The following CLASRP variants were observed in gnomAD, a reference collection of about 807,000 sequenced individuals.
CLASRP encodes CLK4 associating serine/arginine rich protein.
A neutral mutation model predicts 99.9 loss-of-function variants in CLASRP; 52 were observed. That is an observed-to-expected ratio of 0.52 (90% CI 0.42 to 0.66). CLASRP has a LOEUF of 0.66. Among genes scored for constraint, CLASRP ranks in the 30% least tolerant of loss-of-function variants. The pLI is 0.00. For missense variants in CLASRP, 848 were observed against 999.2 expected (o/e 0.85, Z 2.04); for synonymous variants, 379 against 373.0 (o/e 1.02, Z -0.18).
intron 19 of CLASRP, among the ~76,000 whole-genome samples, 175 bp downstream of exon 19, chr19:45,070,279 T>C (rs1186153440): frequency 6.6e-6 from 1 of 152,192 alleles, no homozygotes; most frequent in Admixed American, 6.5e-5. Flanking sequence ...GAGACCAGCC[T>C]GACCAACATG....
intron 2 of CLASRP, among the ~76,000 whole-genome samples, chr19:45,044,611 A>T (rs1449655366): frequency 3.0e-4 from 45 of 151,804 alleles, no homozygotes; most frequent in Non-Finnish European, 1.5e-5. Context: ...AAAAAATAAT[A>T]AAAAAAAATT....
chr19:45,067,640 G>C lies in CLASRP; in HGVS notation c.1667+46G>C, dbSNP rs778101027. On this transcript the variant is annotated intron_variant, in intron 14 of 20. Coordinates refer to ENST00000221455, the MANE Select transcript of CLASRP (RefSeq NM_007056.3). The surrounding 1 kb of genome is among the most constrained non-coding windows in gnomAD (Gnocchi z 4.9). ...GGAAGAGGGCTGCCAATCTCGGGTG[G>C]GGAGGGTGAACATCACTGTTTTCTT... The C allele has an allele frequency of 1.5e-5, 23 of 1,516,744 alleles. No homozygotes were observed. Among genetic ancestry groups the C allele is most frequent in the Non-Finnish European group, 2.0e-5 (22 of 1,120,980 alleles). 94.0% of individuals were successfully genotyped at this position (1,516,744 alleles called of 1,614,324 possible). A position where few individuals can be genotyped will look rare whatever the true frequency, so the allele number is the denominator to read the frequency against.
At chr19:45,054,753 C>G (rs191524846) in intron 5 of CLASRP, among the ~76,000 whole-genome samples, 297 of 152,270 alleles carry the variant, frequency 2.0e-3, no homozygotes, top group African/African-American at 6.7e-3. Flanking sequence ...CCCTTACCAC[C>G]TGGCAGGTCT....
chr19:45,068,748 C>G (rs752402379), intron 16 of CLASRP, among the ~76,000 whole-genome samples: 1 of 151,336 alleles, frequency 6.6e-6, no homozygotes, highest in Non-Finnish European at 1.5e-5. Context: ...CCTGTAATCC[C>G]AGCACTTTGG....
chr19:45,069,054 TTCTC>T lies in CLASRP; in HGVS notation c.1769-8_1769-5del. 1.2e-6 allele frequency: 2 copies of T among 1,613,260 alleles called. No homozygotes were observed. The highest frequency in any genetic ancestry group is 1.7e-6 in the Non-Finnish European group (2 of 1,179,716). ...GGGAACCCCTCAGCCACCCTGTTCTTTCTCTCTACAGTCAAGGCGGATAAGAAGG... is the reference window on the plus strand; with the variant it reads ...GGGAACCCCTCAGCCACCCTGTTCTTTCTACAGTCAAGGCGGATAAGAAGG... On this transcript the variant is annotated splice_region_variant and splice_polypyrimidine_tract_variant and intron_variant, in intron 16 of 20. Coordinates refer to ENST00000221455, the MANE Select transcript of CLASRP (RefSeq NM_007056.3).
intron 5 of CLASRP, among the ~76,000 whole-genome samples, chr19:45,054,777 G>A (rs1018645811): frequency 1.3e-5 from 2 of 152,120 alleles, no homozygotes; most frequent in African/African-American, 4.8e-5. Context: ...CTTCCTCCTC[G>A]AGAAGGGTGG....
chr19:45,068,311 T>TCCCCCCCCCCCCCCCCCC, intron 15 of CLASRP, 109 bp from the exon 16 acceptor site: 2 of 543,618 alleles, frequency 3.7e-6, no homozygotes, highest in Non-Finnish European at 6.7e-6. Flanking sequence ...CACGTCGTTC[T>TCCCCCCCCCCCCCCCCCC]CCCCCCCCCA....
At position 45,060,421 on chromosome 19, in the gene CLASRP, C is replaced by T. The variant is rs764645015; in HGVS notation, c.743C>T (p.Ala248Val). Residue 248 changes from alanine (A) to valine (V), a missense_variant, in exon 9 of 21, where the codon GCC becomes GTC. Around this residue, in one of 8 missense-constraint regions of CLASRP, gnomAD observed 119 missense variants for 170.2 expected, o/e 0.70. Coordinates refer to ENST00000221455, the MANE Select transcript of CLASRP (RefSeq NM_007056.3). This position sits in a 1 kb window ranked among gnomAD's most constrained non-coding sequence, Gnocchi z 4.6. ...MLRKDKEEAEAIKHAKALEEE... is the reference protein window; with the variant it reads ...MLRKDKEEAEVIKHAKALEEE... ...CGGAAAGACAAGGAGGAGGCAGAGG[C>T]CATCAAGCATGCCAAGGCTCTTGAG... The T allele has an allele frequency of 6.2e-7, 1 of 1,614,180 alleles. No homozygotes were observed.
intron 17 of CLASRP, 21 bp downstream of exon 17, chr19:45,069,145 C>T (rs1194977338): frequency 6.2e-7 from 1 of 1,613,810 alleles, no homozygotes; most frequent in Non-Finnish European, 8.5e-7. Flanking sequence ...AAAGGGAGGG[C>T]TGGGGTGACG....
chr19:45,064,615 C>T lies in CLASRP; in HGVS notation c.1394C>T (p.Pro465Leu), dbSNP rs1389704715. ...CCCGCCCGGCGTGGTGGTTACGGGC[C>T]CCGGCGCAGAAGCAGGTGTGTGTGG... ...RSPARRGGYG[P>L]RRRSRSRSHS... The change falls in exon 13 of 21, where the codon CCC becomes CTC. Residue 465 changes from proline to leucine, a missense_variant. Around this residue, in one of 8 missense-constraint regions of CLASRP, gnomAD observed 489 missense variants for 434.7 expected, o/e 1.12. Transcript: ENST00000221455. The T allele has an allele frequency of 5.8e-6, 9 of 1,551,772 alleles. No homozygotes were observed. The Admixed American group carries it at 1.5e-4, about 26-fold the overall frequency.
intron 2 of CLASRP, among the ~76,000 whole-genome samples, chr19:45,046,400 C>T (rs1056288269): frequency 1.1e-4 from 16 of 152,186 alleles, no homozygotes; most frequent in African/African-American, 3.9e-4. Flanking sequence ...GAAACAGAAT[C>T]CTCTGTTGAT....
chr19:45,063,869 A>G, intron 11 of CLASRP, 143 bp from the exon 12 acceptor site: 1 of 1,132,018 alleles, frequency 8.8e-7, no homozygotes, highest in Non-Finnish European at 1.2e-6. Context: ...CTGGGTCTCC[A>G]CTGCCCTCCA....
rs1304456374 is a variant in CLASRP at position 45,064,646 on chromosome 19, C to T, written c.1409+16C>T. The T allele has an allele frequency of 2.6e-5, 39 of 1,501,714 alleles. No individual in the cohort carries two copies. The highest frequency in any genetic ancestry group is 3.4e-5 in the Non-Finnish European group (38 of 1,119,860). 93.0% of individuals were successfully genotyped at this position (1,501,714 alleles called of 1,614,324 possible). A position where few individuals can be genotyped will look rare whatever the true frequency, so the allele number is the denominator to read the frequency against. ...GCAGAAGCAGGTGTGTGTGGCTGGGCGTGGAGGTGGGAGGGGCTGGGGGGG... is the reference window on the plus strand; with the variant it reads ...GCAGAAGCAGGTGTGTGTGGCTGGGTGTGGAGGTGGGAGGGGCTGGGGGGG... On this transcript the variant is annotated intron_variant, in intron 13 of 20. Coordinates refer to ENST00000221455, the MANE Select transcript of CLASRP (RefSeq NM_007056.3).
chr19:45,067,449 C>G lies in CLASRP; in HGVS notation c.1522C>G (p.Leu508Val). The stretch of plus-strand genomic sequence containing the variant: ...CCTCAGCCCGTCCCGCAGTCGCAGC[C>G]TGACTCGCAGCCGCAGCCATAGCCC... The part of the protein sequence containing the change: ...WSLSPSRSRS[L>V]TRSRSHSPSP... The change falls in exon 14 of 21, where the codon CTG becomes GTG. Residue 508 changes from leucine (L) to valine (V), a missense_variant. This residue lies in a region of CLASRP where 489 missense variants were observed against 434.7 expected (regional missense o/e 1.12). Transcript: ENST00000221455. The surrounding 1 kb of genome is among the most constrained non-coding windows in gnomAD (Gnocchi z 4.9). 2 of 1,544,306 alleles carry G rather than the reference C, an allele frequency of 1.3e-6. No individual in the cohort carries two copies. The highest frequency in any genetic ancestry group is 2.3e-5 in the South Asian group (2 of 85,256).
chr19:45,059,423 T>C, intron 8 of CLASRP, 59 bp downstream of exon 8: 1 of 1,357,216 alleles, frequency 7.4e-7, no homozygotes, highest in Non-Finnish European at 1.0e-6. Flanking sequence ...GGCATCTCAC[T>C]ATTACTCCCG....
chr19:45,068,348 T>A (rs997353480), intron 15 of CLASRP, 72 bp from the exon 16 acceptor site: 18 of 501,040 alleles, frequency 3.6e-5, no homozygotes, highest in Admixed American at 2.1e-4. Flanking sequence ...AGCCCCAGGC[T>A]TTTGGCTGAG....
rs774700630 is a variant in CLASRP, at chr19:45,057,852, CGAG to C, written c.574_576del (p.Glu192del). 3.7e-6 allele frequency: 6 copies of C among 1,613,988 alleles called. No individual in the cohort carries two copies. Among genetic ancestry groups the C allele is most frequent in the Admixed American group, 1.7e-5 (1 of 60,010 alleles). ...AGCCAGAGGAGGAGGAGTCAGCGGC[CGAG>C]GAGGAGAGCAACTCGGACGAAGATG... On this transcript the variant is annotated inframe_deletion, in exon 7 of 21. Transcript: ENST00000221455.
At chr19:45,055,570 C>T (rs1972105179) in intron 5 of CLASRP, among the ~76,000 whole-genome samples, 1 of 152,214 alleles carries the variant, frequency 6.6e-6, no homozygotes, top group Non-Finnish European at 1.5e-5. Context: ...CACGGTGGCT[C>T]ATGCATATAA....
chr19:45,049,843 G>C (rs1971988214), intron 2 of CLASRP, among the ~76,000 whole-genome samples: 1 of 152,276 alleles, frequency 6.6e-6, no homozygotes, highest in Middle Eastern at 3.4e-3. Flanking sequence ...TGGGAGAAAG[G>C]TGATGAATGA....
Sources: gnomAD v4.1 joint callset for allele counts (sites outside exome capture counted in the v4.1 genomes callset) on GRCh38, gnomAD v4.1.1 for gene constraint, gnomAD v4.1.1 regional missense constraint, Gnocchi (gnomAD v3.1) non-coding constraint, MANE v1.5 for transcripts, NCBI Gene and HGNC (gene_info 2026-07-23, HGNC 2026-07-21) for gene names.